Variants in ADAMTSL1 observed in about 807,000 individuals in gnomAD.
The protein encoded by ADAMTSL1 is ADAMTS-like protein 1.
A neutral mutation model predicts 201.8 loss-of-function variants in ADAMTSL1; 126 were observed. That is an observed-to-expected ratio of 0.62 (90% confidence interval 0.54 to 0.72). The LOEUF (loss-of-function observed/expected upper bound fraction) is 0.72. ADAMTSL1 is among the 30% of genes least tolerant of loss of function. The probability of loss-of-function intolerance (pLI) is 0.00; values close to 1 mark genes in which losing one functional copy is unlikely to be tolerated. For missense variants in ADAMTSL1, 2,679 were observed against 2,277.8 expected (o/e 1.18, Z -3.59); for synonymous variants, 1,121 against 903.4 (o/e 1.24, Z -4.32).
chr9:18,678,464 T>C (rs1830251971), intron 10 of ADAMTSL1, among the ~76,000 whole-genome samples: 1 of 152,150 alleles, frequency 6.6e-6, no homozygotes, highest in African/African-American at 2.4e-5. Context: ...GAACTGTAGT[T>C]GTATGCTGGG....
chr9:18,856,852 G>A (rs1279976826), intron 23 of ADAMTSL1, among the ~76,000 whole-genome samples: 2 of 152,134 alleles, frequency 1.3e-5, no homozygotes, highest in Non-Finnish European at 2.9e-5. Flanking sequence ...GGTATTTAAT[G>A]GATAGACAAG....
chr9:18,052,362 G>A (rs946249038), intron 1 of ADAMTSL1, among the ~76,000 whole-genome samples: 4 of 152,224 alleles, frequency 2.6e-5, no homozygotes, highest in African/African-American at 9.6e-5. Context: ...TGAGAGGTCA[G>A]AGAAGGGTTT....
intron 4 of ADAMTSL1, among the ~76,000 whole-genome samples, chr9:18,590,032 G>C (rs1349485155): frequency 2.6e-5 from 4 of 151,858 alleles, no homozygotes; most frequent in Non-Finnish European, 5.9e-5. Context: ...TTTTCTTTTT[G>C]GTTATGTCTT....
chr9:18,587,051 G>A (rs148631398), intron 4 of ADAMTSL1, among the ~76,000 whole-genome samples: 111 of 151,978 alleles, frequency 7.3e-4, no homozygotes, highest in African/African-American at 2.1e-3. Flanking sequence ...CAAATATTTC[G>A]TGGCAAAGAT....
intron 1 of ADAMTSL1, among the ~76,000 whole-genome samples, chr9:18,004,510 G>A (rs2131540839): frequency 6.6e-6 from 1 of 152,174 alleles, no homozygotes; most frequent in Non-Finnish European, 1.5e-5. Flanking sequence ...CAAGGGGAGA[G>A]TGGAAAGGTG....
intron 2 of ADAMTSL1, among the ~76,000 whole-genome samples, chr9:18,199,602 A>C (rs1299511512): frequency 1.3e-5 from 2 of 152,120 alleles, no homozygotes; most frequent in Non-Finnish European, 2.9e-5. Context: ...TTAATATGTA[A>C]AAGTTATACC....
intron 2 of ADAMTSL1, among the ~76,000 whole-genome samples, chr9:18,219,640 G>A (rs770346290): frequency 1.3e-5 from 2 of 152,110 alleles, no homozygotes; most frequent in Non-Finnish European, 2.9e-5. Context: ...TTACAGGCAT[G>A]AGCCACTGTG....
chr9:18,634,909 A>T (rs978213555), intron 5 of ADAMTSL1, among the ~76,000 whole-genome samples: 3 of 138,226 alleles, frequency 2.2e-5, no homozygotes, highest in African/African-American at 2.7e-5. Flanking sequence ...ATATATATTT[A>T]ATATATATAT....
chr9:18,699,979 A>T (rs1831827324), intron 13 of ADAMTSL1, among the ~76,000 whole-genome samples: 1 of 152,338 alleles, frequency 6.6e-6, no homozygotes, highest in East Asian at 1.9e-4. Flanking sequence ...ATTTATTTGC[A>T]GTTCCAGAGA....
chr9:17,995,441 A>G (rs984744929), intron 1 of ADAMTSL1, among the ~76,000 whole-genome samples: 1 of 152,168 alleles, frequency 6.6e-6, no homozygotes, highest in Non-Finnish European at 1.5e-5. Context: ...AGTAGCTTGA[A>G]GTAAAGTTAT....
chr9:18,520,677 C>G (rs567870643), intron 2 of ADAMTSL1, among the ~76,000 whole-genome samples: 6 of 152,292 alleles, frequency 3.9e-5, no homozygotes, highest in Middle Eastern at 6.8e-3. Context: ...GTGTCTGTTC[C>G]CAGCCAGCTC....
intron 22 of ADAMTSL1, among the ~76,000 whole-genome samples, chr9:18,829,085 A>G (rs1824808721): frequency 2.6e-5 from 4 of 152,140 alleles, no homozygotes; most frequent in Admixed American, 2.6e-4. Context: ...AGAATCTGGG[A>G]TCATCCCACC....
intron 1 of ADAMTSL1, among the ~76,000 whole-genome samples, chr9:18,091,553 A>C (rs1368582991): frequency 6.6e-6 from 1 of 152,278 alleles, no homozygotes; most frequent in East Asian, 1.9e-4. Context: ...ATCATCACAC[A>C]GTGTCTAGGA....
At chr9:18,148,439 C>A (rs960417149) in intron 1 of ADAMTSL1, among the ~76,000 whole-genome samples, 1 of 151,360 alleles carries the variant, frequency 6.6e-6, no homozygotes, top group African/African-American at 2.4e-5. Context: ...ATACTAAAGT[C>A]AAGTCAAATG....
At chr9:17,976,487 A>G (rs768078100) in intron 1 of ADAMTSL1, among the ~76,000 whole-genome samples, 2 of 151,756 alleles carry the variant, frequency 1.3e-5, no homozygotes, top group Non-Finnish European at 2.9e-5. Context: ...TTTTGATACA[A>G]TTGTACATGG....
At chr9:18,153,294 C>G (rs561959662) in intron 1 of ADAMTSL1, among the ~76,000 whole-genome samples, 2 of 152,020 alleles carry the variant, frequency 1.3e-5, no homozygotes, top group South Asian at 2.1e-4. Flanking sequence ...TACTCTGACC[C>G]TTATTAGATA....
chr9:18,847,764 G>A (rs1458918236), intron 23 of ADAMTSL1, among the ~76,000 whole-genome samples: 1 of 152,226 alleles, frequency 6.6e-6, no homozygotes, highest in Non-Finnish European at 1.5e-5. Context: ...AAAGGCCAGT[G>A]TGGCCACAAT....
intron 4 of ADAMTSL1, among the ~76,000 whole-genome samples, chr9:18,584,581 C>T (rs980177091): frequency 9.9e-5 from 15 of 151,996 alleles, no homozygotes; most frequent in African/African-American, 3.6e-4. Flanking sequence ...AAATGTTCAT[C>T]ATCTCTTTCT....
intron 2 of ADAMTSL1, among the ~76,000 whole-genome samples, chr9:18,216,612 T>C (rs566146142): frequency 3.3e-5 from 5 of 150,950 alleles, no homozygotes; most frequent in Non-Finnish European, 5.9e-5. Flanking sequence ...CATAACAGAT[T>C]TGGGCACGCA....
Sources: allele counts gnomAD v4.1 joint callset (sites outside exome capture counted in the v4.1 genomes callset), GRCh38; gene constraint gnomAD v4.1.1; transcripts MANE v1.5; gene names NCBI Gene and HGNC (gene_info 2026-07-23, HGNC 2026-07-21).